GLIS3: variants seen among roughly 807,000 people sequenced by gnomAD.
GLIS3 encodes GLIS family zinc finger 3.
GLIS3 carries 53 observed loss-of-function variants against 78.6 expected under a neutral mutation model. That is an observed-to-expected ratio of 0.67 (90% confidence interval 0.54 to 0.85). The LOEUF is 0.85. GLIS3 is among the 40% of genes least tolerant of loss of function. GLIS3 has a pLI of 0.00. For synonymous variants in GLIS3, 684 were observed against 509.9 expected (o/e 1.34, Z -4.60); for missense variants, 1,703 against 1,231.1 (o/e 1.38, Z -5.74).
intron 2 of GLIS3, among the ~76,000 whole-genome samples, chr9:4,336,534 C>T (rs1220783691): frequency 6.6e-6 from 1 of 152,102 alleles, no homozygotes; most frequent in Non-Finnish European, 1.5e-5. Flanking sequence ...GGCATCCTCA[C>T]ATGAGCCCTG....
At chr9:4,155,405 G>C (rs1255575823) in intron 2 of GLIS3, among the ~76,000 whole-genome samples, 5 of 152,216 alleles carry the variant, frequency 3.3e-5, no homozygotes, top group Non-Finnish European at 7.3e-5. Flanking sequence ...CCAAGCTCGT[G>C]ACCTGGCCGT....
chr9:4,387,917 C>G, the GLIS3 span, among the ~76,000 whole-genome samples: 4 of 152,134 alleles, frequency 2.6e-5, no homozygotes, highest in African/African-American at 9.7e-5. Flanking sequence ...CTAATCATTG[C>G]TTCTTTTATT....
At chr9:4,484,668 T>C in the GLIS3 span, among the ~76,000 whole-genome samples, 2 of 152,034 alleles carry the variant, frequency 1.3e-5, no homozygotes, top group Non-Finnish European at 2.9e-5. Context: ...CCACCCACCT[T>C]GGCCTCCCAA....
chr9:4,093,168 G>A (rs1321125892), intron 4 of GLIS3, among the ~76,000 whole-genome samples: 2 of 152,092 alleles, frequency 1.3e-5, no homozygotes, highest in African/African-American at 4.8e-5. Context: ...GTAACATGCT[G>A]GCCTCACAGC....
chr9:4,431,051 C>G, the GLIS3 span, among the ~76,000 whole-genome samples: 1 of 152,156 alleles, frequency 6.6e-6, no homozygotes, highest in Non-Finnish European at 1.5e-5. Flanking sequence ...GAATCCCAAC[C>G]AAGTATATGG....
At chr9:4,039,644 G>C (rs542412840) in intron 4 of GLIS3, among the ~76,000 whole-genome samples, 48 of 152,282 alleles carry the variant, frequency 3.2e-4, no homozygotes, top group African/African-American at 1.1e-3. Context: ...TAGTGCCAAA[G>C]CCTGACCCAG....
intron 9 of GLIS3, among the ~76,000 whole-genome samples, chr9:3,836,266 G>C (rs1366562872): frequency 6.6e-6 from 1 of 152,186 alleles, no homozygotes; most frequent in African/African-American, 2.4e-5. Context: ...TCAGTTTCTT[G>C]GTCGTATGGC....
intron 2 of GLIS3, among the ~76,000 whole-genome samples, chr9:4,146,948 G>C (rs897775460): frequency 1.3e-5 from 2 of 152,092 alleles, no homozygotes; most frequent in Non-Finnish European, 2.9e-5. Context: ...TTCTCAATTT[G>C]ATTGTCCCAA....
chr9:4,309,037 T>G (rs937912417), intron 3 of GLIS3: 13 of 152,220 alleles, frequency 8.5e-5, no homozygotes, highest in Admixed American at 8.5e-4. Flanking sequence ...GAGTTAATAT[T>G]TGTTAAGTGC....
intron 4 of GLIS3, among the ~76,000 whole-genome samples, chr9:4,051,421 G>A (rs546897226): frequency 6.6e-6 from 1 of 152,188 alleles, no homozygotes; most frequent in East Asian, 1.9e-4. Flanking sequence ...TAAGACAGTC[G>A]GGTATAGAGC....
In GLIS3 at chr9:3,957,831, C is replaced by CA. The variant is rs147044123; in HGVS notation, c.1711-20643dup. Among the ~76,000 whole-genome samples the CA allele has an allele frequency of 2.6e-5, 4 of 152,270 alleles. No homozygotes were observed. In the East Asian group the frequency reaches 5.8e-4, roughly 22 times the overall value. On this transcript the variant is annotated intron_variant, in intron 4 of 10. Transcript: ENST00000381971. ...TCATCTGCTCAGATTCACACAAAGA[C>CA]AAACACCGTAGATATTGCAAGGCTG...
At chr9:4,125,528 A>C (rs1044134842) in intron 3 of GLIS3, among the ~76,000 whole-genome samples, 10 of 152,164 alleles carry the variant, frequency 6.6e-5, no homozygotes, top group African/African-American at 2.4e-4. Flanking sequence ...GTAGGTATTA[A>C]AGCATTCCTC....
intron 4 of GLIS3, among the ~76,000 whole-genome samples, chr9:3,985,551 C>T (rs1024378240): frequency 1.2e-4 from 19 of 152,160 alleles, no homozygotes; most frequent in Non-Finnish European, 2.5e-4. Context: ...TATTTGGGCC[C>T]AGAAAGCAGA....
At chr9:4,091,477 A>C (rs1829495892) in intron 4 of GLIS3, among the ~76,000 whole-genome samples, 1 of 152,206 alleles carries the variant, frequency 6.6e-6, no homozygotes, top group Non-Finnish European at 1.5e-5. Flanking sequence ...TAATAAACAC[A>C]GATCACTTAC....
At chr9:3,970,010 G>C (rs1226678713) in intron 4 of GLIS3, among the ~76,000 whole-genome samples, 1 of 152,200 alleles carries the variant, frequency 6.6e-6, no homozygotes, top group Non-Finnish European at 1.5e-5. Context: ...GTCATTTCAT[G>C]TTCCAAGTGA....
chr9:4,269,696 C>G (rs374464087), intron 2 of GLIS3, among the ~76,000 whole-genome samples: 1 of 151,902 alleles, frequency 6.6e-6, no homozygotes, highest in African/African-American at 2.4e-5. Flanking sequence ...CTGTGTATTT[C>G]AGTTAGGAAA....
At chr9:3,890,182 T>C (rs1822338140) in intron 7 of GLIS3, among the ~76,000 whole-genome samples, 1 of 152,152 alleles carries the variant, frequency 6.6e-6, no homozygotes, top group African/African-American at 2.4e-5. Flanking sequence ...CTCTCACAAA[T>C]TCACTGTTCA....
At chr9:4,396,070 C>T in the GLIS3 span, among the ~76,000 whole-genome samples, 1 of 151,664 alleles carries the variant, frequency 6.6e-6, no homozygotes, top group African/African-American at 2.4e-5. Flanking sequence ...CTGCGCCTAG[C>T]CTGGTCACCA....
At chr9:4,358,482 A>G in the GLIS3 span, among the ~76,000 whole-genome samples, 1 of 152,130 alleles carries the variant, frequency 6.6e-6, no homozygotes, top group Non-Finnish European at 1.5e-5. Context: ...ATTGGTGGTG[A>G]TGTTAGGAGT....
Sources: allele counts gnomAD v4.1 joint callset (sites outside exome capture counted in the v4.1 genomes callset), GRCh38; gene constraint gnomAD v4.1.1; transcripts MANE v1.5; gene names NCBI Gene and HGNC (gene_info 2026-07-23, HGNC 2026-07-21).